The following RPAP3 variants were observed in gnomAD, a reference collection of about 807,000 sequenced individuals.
The protein encoded by RPAP3 is RNA polymerase II associated protein 3.
RPAP3 carries 58 observed loss-of-function variants against 88.8 expected under a neutral mutation model. That is an observed-to-expected ratio of 0.65 (90% CI 0.53 to 0.81). The LOEUF (loss-of-function observed/expected upper bound fraction) is 0.81, where lower values mean the gene tolerates loss of function less well. Among genes scored for constraint, RPAP3 ranks in the 40% least tolerant of loss-of-function variants. RPAP3 has a pLI of 0.00. For synonymous variants in RPAP3, 255 were observed against 259.9 expected (o/e 0.98, Z 0.18); for missense variants, 751 against 764.3 (o/e 0.98, Z 0.20).
chr12:47,690,675 T>G, intron 5 of RPAP3, 36 bp from the exon 6 acceptor site: 1 of 1,356,868 alleles, frequency 7.4e-7, no homozygotes, highest in Admixed American at 2.5e-5. Flanking sequence ...ATAAAGTTAA[T>G]AAAACTAATT....
chr12:47,675,660 A>C (rs949038712), intron 12 of RPAP3, among the ~76,000 whole-genome samples: 1 of 152,242 alleles, frequency 6.6e-6, no homozygotes, highest in Non-Finnish European at 1.5e-5. Context: ...GCCACTACCT[A>C]ATGGTAAAGG....
chr12:47,680,032 A>C (rs1269369388), intron 10 of RPAP3, among the ~76,000 whole-genome samples: 1 of 152,188 alleles, frequency 6.6e-6, no homozygotes, highest in African/African-American at 2.4e-5. Flanking sequence ...AGGTCATCTA[A>C]CTTAGCAAAG....
chr12:47,695,149 AAAGG>A (rs1939498436), intron 5 of RPAP3, among the ~76,000 whole-genome samples: 1 of 151,724 alleles, frequency 6.6e-6, no homozygotes, highest in Non-Finnish European at 1.5e-5. Flanking sequence ...AGAGAAAAAG[AAAGG>A]AAGAAAGGAA....
intron 4 of RPAP3, 44 bp downstream of exon 4, chr12:47,697,553 T>C (rs369111830): frequency 4.6e-5 from 71 of 1,539,646 alleles, no homozygotes; most frequent in Non-Finnish European, 5.9e-5. Context: ...ATTTTCAACA[T>C]CTCCTGCTTA....
At chr12:47,704,490 T>A (rs1939732879) in intron 1 of RPAP3, among the ~76,000 whole-genome samples, 1 of 151,382 alleles carries the variant, frequency 6.6e-6, no homozygotes, top group Non-Finnish European at 1.5e-5. Context: ...TGCCTCAGCC[T>A]CCCGAGCAGC....
In RPAP3 at chr12:47,694,189, T is replaced by C. The variant is rs554995219; in HGVS notation, c.545+2087A>G. Among the ~76,000 whole-genome samples the C allele has an allele frequency of 8.9e-4, 135 of 152,276 alleles. 1 individual carries two copies. The highest frequency in any genetic ancestry group is 3.4e-3 in the Middle Eastern group (1 of 294). On this transcript the variant is annotated intron_variant, in intron 5 of 16. Transcript: ENST00000005386. ...TAAATATTAAGACTTACAATTACAATGCTATAATAATTAAAGATAGTGTGG... is the reference window on the plus strand; with the variant it reads ...TAAATATTAAGACTTACAATTACAACGCTATAATAATTAAAGATAGTGTGG...
chr12:47,695,152 G>T (rs1939498594), intron 5 of RPAP3, among the ~76,000 whole-genome samples: 1 of 151,724 alleles, frequency 6.6e-6, no homozygotes, highest in African/African-American at 2.4e-5. Context: ...GAAAAAGAAA[G>T]GAAGAAAGGA....
At position 47,668,933 on chromosome 12, in the gene RPAP3, A is replaced by C. The variant is rs1592467833; in HGVS notation, c.1696T>G (p.Leu566Val). 1.2e-6 allele frequency: 2 copies of C among 1,613,386 alleles called. No individual in the cohort carries two copies. Among genetic ancestry groups the C allele is most frequent in the Non-Finnish European group, 1.7e-6 (2 of 1,179,446 alleles). Residue 566 changes from leucine to valine, a missense_variant, in exon 14 of 17, where the codon TTG (leucine) becomes GTG (valine). By Grantham distance (32) the Leu-to-Val change is conservative. Coordinates refer to ENST00000005386, the MANE Select transcript of RPAP3 (RefSeq NM_024604.3). ...FRQLKSSPDM[L>V]YQYLKQIEPS... ...TCTCTTACCTTTAAATACTGATACAACATATCTGGAGAACTTTTCAATTGT... is the reference window on the plus strand; with the variant it reads ...TCTCTTACCTTTAAATACTGATACACCATATCTGGAGAACTTTTCAATTGT...
intron 9 of RPAP3, among the ~76,000 whole-genome samples, chr12:47,683,888 C>T (rs1455760814): frequency 1.3e-5 from 2 of 152,156 alleles, no homozygotes; most frequent in African/African-American, 2.4e-5. Context: ...TCTACTAAAT[C>T]AAGTCTTAGT....
chr12:47,677,133 G>A (rs571509764), intron 12 of RPAP3, among the ~76,000 whole-genome samples: 8 of 152,154 alleles, frequency 5.3e-5, no homozygotes, highest in East Asian at 1.9e-4. Flanking sequence ...CAGAACCAAC[G>A]ACAAAAACCA....
At chr12:47,694,961 A>G (rs1160331186) in intron 5 of RPAP3, among the ~76,000 whole-genome samples, 1 of 152,242 alleles carries the variant, frequency 6.6e-6, no homozygotes, top group South Asian at 2.1e-4. Flanking sequence ...CAACTGTGTA[A>G]CAACAAACTA....
At chr12:47,705,748 T>C (rs943931285) in intron 1 of RPAP3, among the ~76,000 whole-genome samples, 1 of 152,120 alleles carries the variant, frequency 6.6e-6, no homozygotes, top group African/African-American at 2.4e-5. Context: ...CAGGCCCGGG[T>C]TGCGGGGGCG....
At chr12:47,692,908 G>A (rs1015395358) in intron 5 of RPAP3, among the ~76,000 whole-genome samples, 1 of 152,092 alleles carries the variant, frequency 6.6e-6, no homozygotes, top group Non-Finnish European at 1.5e-5. Flanking sequence ...GAGACAGAGC[G>A]TCACTCTCTC....
chr12:47,683,345 C>T (rs1189537393), intron 9 of RPAP3, among the ~76,000 whole-genome samples: 3 of 152,154 alleles, frequency 2.0e-5, no homozygotes, highest in Non-Finnish European at 4.4e-5. Flanking sequence ...TATTTGTATA[C>T]TTAATACCTT....
chr12:47,679,165 G>A (rs148261260), intron 12 of RPAP3, among the ~76,000 whole-genome samples: 21 of 152,214 alleles, frequency 1.4e-4, no homozygotes, highest in Middle Eastern at 3.4e-3. Flanking sequence ...ACCAAACACC[G>A]CATGTTCTCA....
chr12:47,666,844 C>T (rs748558215), intron 16 of RPAP3, 136 bp downstream of exon 16: 29 of 264,490 alleles, frequency 1.1e-4, no homozygotes, highest in Non-Finnish European at 1.8e-4. Context: ...AATTTAATAT[C>T]ATCCAATTTA....
chr12:47,662,178 C>T lies in RPAP3; in HGVS notation c.*1327G>A, dbSNP rs1202549480. ...CAAAGGCCCCACCTCCGAAGACCAT[C>T]GCCTTCAGGGTTAGGATTTCAACAT... On this transcript the variant is annotated 3_prime_UTR_variant, in exon 17 of 17. Transcript: ENST00000005386. 6.6e-6 allele frequency: 1 copy of T among 152,158 alleles called. No homozygotes were observed. The highest frequency in any genetic ancestry group is 1.5e-5 in the Non-Finnish European group (1 of 68,042). 9.4% of individuals were successfully genotyped at this position (152,158 alleles called of 1,614,324 possible).
intron 12 of RPAP3, among the ~76,000 whole-genome samples, chr12:47,678,294 C>T (rs1351359229): frequency 6.6e-6 from 1 of 152,166 alleles, no homozygotes; most frequent in East Asian, 1.9e-4. Context: ...ACCATAAAAA[C>T]CCTACAAGAA....
chr12:47,690,336 T>C (rs1472863721), intron 6 of RPAP3, among the ~76,000 whole-genome samples, 182 bp downstream of exon 6: 9 of 152,184 alleles, frequency 5.9e-5, no homozygotes, highest in Admixed American at 5.9e-4. Flanking sequence ...CAAATTCTGA[T>C]TGGTGGCAAA....
Sources: allele counts gnomAD v4.1 joint callset (sites outside exome capture counted in the v4.1 genomes callset), GRCh38; gene constraint gnomAD v4.1.1; transcripts MANE v1.5; gene names NCBI Gene and HGNC (gene_info 2026-07-23, HGNC 2026-07-21).